PCBP3: variants seen among roughly 807,000 people sequenced by gnomAD.
The protein encoded by PCBP3 is poly(rC) binding protein 3, also known as poly(rC)-binding protein 3.
In PCBP3, 25 loss-of-function variants were observed where a neutral mutation model predicts 52.7. The observed-to-expected ratio is 0.47, with a 90% CI of 0.35 to 0.66. The LOEUF (loss-of-function observed/expected upper bound fraction) is 0.66, where lower values mean the gene tolerates loss of function less well. Among genes scored for constraint, PCBP3 ranks in the 30% least tolerant of loss-of-function variants. PCBP3 has a pLI of 0.01. For synonymous variants in PCBP3, 162 were observed against 183.0 expected (o/e 0.89, Z 0.93); for missense variants, 391 against 490.3 (o/e 0.80, Z 1.91).
chr21:45,794,271 C>T (rs2091798968), intron 4 of PCBP3, among the ~76,000 whole-genome samples: 1 of 152,120 alleles, frequency 6.6e-6, no homozygotes. Flanking sequence ...TACAAATTAG[C>T]TGGATGTAGT....
At chr21:45,875,027 A>G (rs2095198790) in intron 5 of PCBP3, among the ~76,000 whole-genome samples, 1 of 152,214 alleles carries the variant, frequency 6.6e-6, no homozygotes. Context: ...CCAGCTCCCA[A>G]AAGAGCCTCC....
intron 4 of PCBP3, among the ~76,000 whole-genome samples, chr21:45,810,047 T>C (rs1446268806): frequency 6.6e-6 from 1 of 152,214 alleles, no homozygotes; most frequent in East Asian, 1.9e-4. Context: ...AGATTTATTG[T>C]GAAGTTTTAT....
intron 5 of PCBP3, among the ~76,000 whole-genome samples, chr21:45,879,951 A>G (rs988198863): frequency 1.6e-4 from 25 of 152,086 alleles, no homozygotes; most frequent in South Asian, 4.1e-4. Context: ...CCCAAACCCA[A>G]TGAAATTAAA....
intron 5 of PCBP3, among the ~76,000 whole-genome samples, chr21:45,862,957 C>T (rs1342182300): frequency 1.3e-5 from 2 of 152,216 alleles, no homozygotes; most frequent in African/African-American, 2.4e-5. Flanking sequence ...GAGCAGTGTG[C>T]ATCCTGTACC....
In PCBP3 at chr21:45,737,698, C is replaced by T. The variant is rs988196987; in HGVS notation, c.-162+2269C>T. 2.0e-5 allele frequency among the ~76,000 whole-genome samples: 3 copies of T among 152,186 alleles called. No individual in the cohort carries two copies. The highest frequency in any genetic ancestry group is 2.1e-4 in the South Asian group (1 of 4,834). Reference sequence around the variant, plus strand: ...GATTCTGGAAATTCCCTGAGGCCTTCGTTCAGTACAGACAGGGAACTTTTA... The same window carrying T: ...GATTCTGGAAATTCCCTGAGGCCTTTGTTCAGTACAGACAGGGAACTTTTA... On this transcript the variant is annotated intron_variant, in intron 3 of 17. Coordinates refer to ENST00000681687, the MANE Select transcript of PCBP3 (RefSeq NM_001384156.1). The surrounding 1 kb of genome is among the most constrained non-coding windows in gnomAD (Gnocchi z 4.9).
intron 12 of PCBP3, chr21:45,915,073 G>C (rs1766543754): frequency 6.6e-6 from 1 of 152,214 alleles, no homozygotes; most frequent in African/African-American, 2.4e-5. Context: ...TCAGGGCAGG[G>C]TATGCCTTTT....
chr21:45,789,555 G>C (rs1254123189), intron 4 of PCBP3, among the ~76,000 whole-genome samples: 1 of 152,188 alleles, frequency 6.6e-6, no homozygotes, highest in African/African-American at 2.4e-5. Flanking sequence ...CATGGATGAG[G>C]AGCAATCCGG....
intron 3 of PCBP3, among the ~76,000 whole-genome samples, chr21:45,752,003 A>C (rs1164689095): frequency 6.6e-6 from 1 of 151,844 alleles, no homozygotes; most frequent in Non-Finnish European, 1.5e-5. Context: ...ACATTTATTT[A>C]TTTATTGGTA....
At chr21:45,755,640 A>G (rs550342851) in intron 4 of PCBP3, among the ~76,000 whole-genome samples, 188 bp downstream of exon 4, 79 of 152,272 alleles carry the variant, frequency 5.2e-4, no homozygotes, top group African/African-American at 1.7e-3. Flanking sequence ...ATGGTGTCAC[A>G]TTATAGTTTT....
At chr21:45,755,107 C>T (rs1237611814) in intron 3 of PCBP3, among the ~76,000 whole-genome samples, 1 of 152,138 alleles carries the variant, frequency 6.6e-6, no homozygotes, top group East Asian at 1.9e-4. Context: ...TTCACCAGCT[C>T]AAAGTTCCCT....
At chr21:45,825,820 G>A (rs8130775) in intron 4 of PCBP3, among the ~76,000 whole-genome samples, 12 of 152,134 alleles carry the variant, frequency 7.9e-5, no homozygotes, top group Non-Finnish European at 1.3e-4. Context: ...ACGTGGGGGC[G>A]CATGTGGAAT....
chr21:45,867,201 G>A (rs1270898181), intron 5 of PCBP3, among the ~76,000 whole-genome samples: 2 of 152,216 alleles, frequency 1.3e-5, no homozygotes, highest in South Asian at 2.1e-4. Context: ...GGAAGGCGGC[G>A]GACGGAACAA....
At chr21:45,684,730 G>A (rs1346296112) in intron 2 of PCBP3, among the ~76,000 whole-genome samples, 1 of 152,168 alleles carries the variant, frequency 6.6e-6, no homozygotes, top group Non-Finnish European at 1.5e-5. Flanking sequence ...AGAGCCATGA[G>A]CCAAAACACC....
intron 6 of PCBP3, among the ~76,000 whole-genome samples, chr21:45,898,309 GT>G (rs1322238861): frequency 0.089 from 6,487 of 72,546 alleles, 1,131 homozygotes; most frequent in East Asian, 0.22. Context: ...CGTCCTCACA[GT>G]CTCCCTCTGC....
At chr21:45,726,674 TTTCCAGTGTC>T (rs992068036) in intron 2 of PCBP3, among the ~76,000 whole-genome samples, 1 of 152,214 alleles carries the variant, frequency 6.6e-6, no homozygotes, top group Non-Finnish European at 1.5e-5. Flanking sequence ...CCTGCCTGTG[TTTCCAGTGTC>T]TTCCACCACG....
At chr21:45,851,514 AAAAG>A (rs1325722335) in intron 5 of PCBP3, among the ~76,000 whole-genome samples, 2 of 152,214 alleles carry the variant, frequency 1.3e-5, no homozygotes, top group Admixed American at 6.5e-5. Flanking sequence ...TGTCTTAAAA[AAAAG>A]AAAGAAAGTG....
chr21:45,818,131 T>G (rs1038501097), intron 4 of PCBP3, among the ~76,000 whole-genome samples: 7 of 152,150 alleles, frequency 4.6e-5, no homozygotes, highest in Non-Finnish European at 7.4e-5. Flanking sequence ...CACACCATTC[T>G]CCTGCCTCAG....
chr21:45,928,398 C>CGGAGGGA lies in PCBP3; in HGVS notation c.718-1519_718-1518insGGAGGGA, dbSNP rs1280739980. 6.6e-6 allele frequency among the ~76,000 whole-genome samples: 1 copy of CGGAGGGA among 152,160 alleles called. No homozygotes were observed. The highest frequency in any genetic ancestry group is 2.4e-5 in the African/African-American group (1 of 41,452). On this transcript the variant is annotated intron_variant, in intron 13 of 17. Coordinates refer to ENST00000681687, the MANE Select transcript of PCBP3 (RefSeq NM_001384156.1). The surrounding 1 kb of genome is among the most constrained non-coding windows in gnomAD (Gnocchi z 4.1). Reference sequence around the variant, plus strand: ...GAGGGGCAGGGCTGGGGAGCAGGCCCCCCGATCCTCCCAGGGTACTAGGTA... The same window carrying CGGAGGGA: ...GAGGGGCAGGGCTGGGGAGCAGGCCCGGAGGGACCCGATCCTCCCAGGGTACTAGGTA...
chr21:45,909,509 G>A, intron 10 of PCBP3, 23 bp downstream of exon 10: 2 of 1,609,046 alleles, frequency 1.2e-6, no homozygotes, highest in Non-Finnish European at 1.7e-6. Context: ...TCCCAGCCTG[G>A]GCCGCTGCGG....
Sources: allele counts gnomAD v4.1 joint callset (sites outside exome capture counted in the v4.1 genomes callset), GRCh38; gene constraint gnomAD v4.1.1; non-coding constraint Gnocchi (gnomAD v3.1); transcripts MANE v1.5; gene names NCBI Gene and HGNC (gene_info 2026-07-23, HGNC 2026-07-21).